ATP2B1: variants seen among roughly 807,000 people sequenced by gnomAD.
The protein encoded by ATP2B1 is plasma membrane calcium-transporting ATPase 1.
A neutral mutation model predicts 124.2 loss-of-function variants in ATP2B1; 14 were observed. The ratio of observed to expected loss-of-function variants is 0.11; its 90% CI spans 0.07 to 0.18. The LOEUF (loss-of-function observed/expected upper bound fraction) is 0.18, where lower values mean the gene tolerates loss of function less well. Among genes scored for constraint, ATP2B1 ranks in the 10% least tolerant of loss-of-function variants. The pLI is 1.00. For synonymous variants in ATP2B1, 449 were observed against 492.4 expected, an observed-to-expected ratio of 0.91 and a Z score of 1.17; for missense variants, 763 against 1,466.1, an observed-to-expected ratio of 0.52 and a Z score of 7.83.
chr12:89,618,408 C>G (rs1879377839), intron 11 of ATP2B1, among the ~76,000 whole-genome samples: 1 of 152,192 alleles, frequency 6.6e-6, no homozygotes, highest in Non-Finnish European at 1.5e-5. Flanking sequence ...AGGGAAAAAT[C>G]TGCCCCATAT....
At chr12:89,701,956 C>T (rs1024533112) in intron 1 of ATP2B1, among the ~76,000 whole-genome samples, 12 of 152,192 alleles carry the variant, frequency 7.9e-5, no homozygotes, top group Non-Finnish European at 1.5e-4. Context: ...AGCAATACTA[C>T]AGTATGCAAC....
At chr12:89,625,215 G>A (rs1179245578) in intron 8 of ATP2B1, among the ~76,000 whole-genome samples, 2 of 151,684 alleles carry the variant, frequency 1.3e-5, no homozygotes, top group Non-Finnish European at 2.9e-5. Context: ...GCAGTGAGCC[G>A]AGATCGCACC....
At chr12:89,595,857 G>C (rs1477852019) in intron 20 of ATP2B1, among the ~76,000 whole-genome samples, 1 of 152,032 alleles carries the variant, frequency 6.6e-6, no homozygotes, top group African/African-American at 2.4e-5. Context: ...GAATAAAGAA[G>C]TAAACATCTC....
intron 5 of ATP2B1, among the ~76,000 whole-genome samples, chr12:89,632,837 A>G (rs574927585): frequency 2.2e-4 from 34 of 152,212 alleles, no homozygotes; most frequent in Non-Finnish European, 4.4e-4. Flanking sequence ...TGGAAAATTT[A>G]TAGAGTTCTC....
intron 1 of ATP2B1, among the ~76,000 whole-genome samples, chr12:89,677,954 T>TTATATATATATATGTGTATATATATATA (rs1491452210): frequency 1.5e-5 from 1 of 68,766 alleles, no homozygotes; most frequent in African/African-American, 6.4e-5. Flanking sequence ...CATGCAGGAA[T>TTATATATATATATGTGTATATATATATA]TATATATATA....
At chr12:89,701,872 G>A (rs1472607074) in intron 1 of ATP2B1, among the ~76,000 whole-genome samples, 4 of 152,024 alleles carry the variant, frequency 2.6e-5, no homozygotes, top group African/African-American at 9.7e-5. Context: ...CAGGTGAGAG[G>A]AAAAACACAT....
intron 20 of ATP2B1, chr12:89,593,559 T>C (rs1189369271): frequency 6.6e-6 from 1 of 152,070 alleles, no homozygotes; most frequent in Non-Finnish European, 1.5e-5. Context: ...AAATGTACTT[T>C]TTAAACATGT....
chr12:89,598,933 C>T (rs1875238095), intron 20 of ATP2B1, among the ~76,000 whole-genome samples, 184 bp downstream of exon 20: 1 of 152,164 alleles, frequency 6.6e-6, no homozygotes, highest in African/African-American at 2.4e-5. Context: ...GGCATATAGA[C>T]ACATTCTTTC....
chr12:89,613,524 GATT>G (rs575332315), intron 12 of ATP2B1, among the ~76,000 whole-genome samples: 75 of 152,060 alleles, frequency 4.9e-4, no homozygotes, highest in Non-Finnish European at 8.8e-4. Context: ...GGCCTGCTTA[GATT>G]ATTTTTTCAA....
At chr12:89,594,804 A>G (rs970898622) in intron 20 of ATP2B1, 5 of 152,002 alleles carry the variant, frequency 3.3e-5, no homozygotes, top group African/African-American at 1.2e-4. Context: ...AACATTGTTT[A>G]CTGCCTAAAA....
At chr12:89,607,537 T>C (rs2681476) in intron 15 of ATP2B1, among the ~76,000 whole-genome samples, 142,224 of 152,254 alleles carry the variant, frequency 0.93, 66,662 homozygotes, top group East Asian at 0.99. Context: ...GTCTCAATAT[T>C]TGGAGTCCCG....
rs761437301 is a variant in ATP2B1, at chr12:89,676,478, G to A, written c.-221-20371C>T. Among the ~76,000 whole-genome samples the A allele has an allele frequency of 3.9e-5, 6 of 152,182 alleles. No individual in the cohort carries two copies. In the South Asian group the frequency reaches 8.3e-4, roughly 21 times the overall value. On this transcript the variant is annotated intron_variant, in intron 1 of 20. Transcript: ENST00000428670. ...ATATATAATATGTATATTAGGTAGA[G>A]ACAGGGTCTCACTACGTTGCCCAGG...
intron 6 of ATP2B1, among the ~76,000 whole-genome samples, chr12:89,629,102 A>C (rs536513978): frequency 1.2e-4 from 19 of 152,236 alleles, no homozygotes; most frequent in Non-Finnish European, 2.8e-4. Context: ...GGGGAAAAGA[A>C]GCTTACTGGA....
chr12:89,698,628 A>G (rs1367533783), intron 1 of ATP2B1, among the ~76,000 whole-genome samples: 1 of 152,188 alleles, frequency 6.6e-6, no homozygotes. Context: ...TATGCCAATT[A>G]TATCTTAGTA....
chr12:89,659,348 G>A (rs1173301671), intron 1 of ATP2B1, among the ~76,000 whole-genome samples: 1 of 138,654 alleles, frequency 7.2e-6, no homozygotes, highest in Non-Finnish European at 1.6e-5. Flanking sequence ...AGTCTTTGAG[G>A]TATTACAAAA....
chr12:89,669,254 C>T (rs1036023659), intron 1 of ATP2B1, among the ~76,000 whole-genome samples: 5 of 152,162 alleles, frequency 3.3e-5, no homozygotes, highest in Non-Finnish European at 7.3e-5. Flanking sequence ...GCAACAGTAC[C>T]TTGCCCACAG....
Position 89,603,327 on chromosome 12 carries a change from AC to A in ATP2B1, c.2849-74del. 1 of 1,212,120 alleles carries A rather than the reference AC, an allele frequency of 8.3e-7. No homozygotes were observed. Among genetic ancestry groups the A allele is most frequent in the Admixed American group, 2.5e-5 (1 of 39,240 alleles). 75.1% of individuals were successfully genotyped at this position (1,212,120 alleles called of 1,614,324 possible). A position where few individuals can be genotyped will look rare whatever the true frequency, so the allele number is the denominator to read the frequency against. Reference sequence around the variant, plus strand: ...ATTTCAAGGAGGTATACAAATTACAACTTAGCTAGACCTTTTATTTGATCTG... The same window carrying A: ...ATTTCAAGGAGGTATACAAATTACAATTAGCTAGACCTTTTATTTGATCTG... On this transcript the variant is annotated intron_variant, in intron 17 of 20. Coordinates refer to ENST00000428670, the MANE Select transcript of ATP2B1 (RefSeq NM_001366521.1). The surrounding 1 kb of genome is among the most constrained non-coding windows in gnomAD (Gnocchi z 4.3).
chr12:89,589,000 G>A lies in ATP2B1; in HGVS notation c.*1984C>T, dbSNP rs915794856. 2.0e-5 allele frequency: 3 copies of A among 152,468 alleles called. No homozygotes were observed. The highest frequency in any genetic ancestry group is 7.2e-5 in the African/African-American group (3 of 41,398). The allele number at this position is 152,468 out of a possible 1,614,324, so 9.4% of individuals were successfully genotyped here. Reference sequence around the variant, plus strand: ...TGGCAAAACCAAGACTAGAAACCAGGTCTTGACTCCTAGTCTAATATGCTT... The same window carrying A: ...TGGCAAAACCAAGACTAGAAACCAGATCTTGACTCCTAGTCTAATATGCTT... On this transcript the variant is annotated 3_prime_UTR_variant, in exon 21 of 21. Transcript: ENST00000428670.
At chr12:89,611,495 T>A in intron 12 of ATP2B1, 123 bp from the exon 13 acceptor site, 1 of 722,056 alleles carries the variant, frequency 1.4e-6, no homozygotes, top group Non-Finnish European at 2.0e-6. Flanking sequence ...TACAATGACT[T>A]AATAATGATT....
Sources: gnomAD v4.1 joint callset for allele counts (sites outside exome capture counted in the v4.1 genomes callset) on GRCh38, gnomAD v4.1.1 for gene constraint, Gnocchi (gnomAD v3.1) non-coding constraint, MANE v1.5 for transcripts, NCBI Gene and HGNC (gene_info 2026-07-23, HGNC 2026-07-21) for gene names.